Variants in CACNB2 observed in about 807,000 individuals in gnomAD.
CACNB2 encodes voltage-dependent L-type calcium channel subunit beta-2.
Under a neutral mutation model 73.3 loss-of-function variants are expected in CACNB2, and 42 were observed. That is an observed-to-expected ratio of 0.57 (90% confidence interval 0.45 to 0.74). CACNB2 has a LOEUF of 0.74. CACNB2 is among the 30% of genes least tolerant of loss of function. The pLI is 0.00. For missense variants in CACNB2, 940 were observed against 853.0 expected (o/e 1.10, Z -1.27); for synonymous variants, 348 against 310.3 (o/e 1.12, Z -1.28).
At chr10:18,460,411 C>A (rs932098654) in intron 3 of CACNB2, among the ~76,000 whole-genome samples, 8 of 152,082 alleles carry the variant, frequency 5.3e-5, no homozygotes, top group Non-Finnish European at 1.0e-4. Flanking sequence ...ATACACACAG[C>A]TCTGATAGTT....
chr10:18,459,723 C>G (rs903714307), intron 3 of CACNB2, among the ~76,000 whole-genome samples: 1 of 152,140 alleles, frequency 6.6e-6, no homozygotes, highest in Non-Finnish European at 1.5e-5. Context: ...AAGTAGAATG[C>G]TGGCCGGGCG....
At chr10:18,305,769 T>A (rs1377368852) in intron 2 of CACNB2, among the ~76,000 whole-genome samples, 1 of 152,018 alleles carries the variant, frequency 6.6e-6, no homozygotes, top group East Asian at 1.9e-4. Flanking sequence ...ATGCTCATGG[T>A]TGACATTTGT....
At chr10:18,396,429 G>C (rs2132489466) in intron 2 of CACNB2, among the ~76,000 whole-genome samples, 1 of 152,286 alleles carries the variant, frequency 6.6e-6, no homozygotes, top group South Asian at 2.1e-4. Flanking sequence ...ATACAAGATA[G>C]AACCCTTTCC....
chr10:18,508,300 G>A (rs1198236550), intron 6 of CACNB2, among the ~76,000 whole-genome samples: 4 of 152,280 alleles, frequency 2.6e-5, no homozygotes, highest in African/African-American at 9.6e-5. Flanking sequence ...TAGTATGCAT[G>A]AAATGAAAAT....
intron 2 of CACNB2, among the ~76,000 whole-genome samples, chr10:18,238,028 T>C (rs1248511521): frequency 1.3e-5 from 2 of 152,188 alleles, no homozygotes; most frequent in African/African-American, 2.4e-5. Flanking sequence ...TTGGACCTCA[T>C]GTTGTCTTGC....
At chr10:18,256,234 C>T (rs928072020) in intron 2 of CACNB2, among the ~76,000 whole-genome samples, 3 of 149,484 alleles carry the variant, frequency 2.0e-5, no homozygotes, top group Non-Finnish European at 4.5e-5. Flanking sequence ...AATTTAGCTA[C>T]ATGAGCCAAG....
At chr10:18,302,123 C>T (rs2039544690) in intron 2 of CACNB2, among the ~76,000 whole-genome samples, 1 of 152,144 alleles carries the variant, frequency 6.6e-6, no homozygotes, top group South Asian at 2.1e-4. Context: ...AAATTGCCCA[C>T]ATCAGGCCTC....
intron 3 of CACNB2, among the ~76,000 whole-genome samples, chr10:18,431,082 A>C (rs1266249594): frequency 6.6e-6 from 1 of 152,128 alleles, no homozygotes; most frequent in African/African-American, 2.4e-5. Context: ...TCCTGGGTTC[A>C]AGCAATCCTC....
chr10:18,421,786 G>A (rs1187670832), intron 3 of CACNB2, among the ~76,000 whole-genome samples: 1 of 152,134 alleles, frequency 6.6e-6, no homozygotes, highest in Non-Finnish European at 1.5e-5. Context: ...GGTATACAAA[G>A]TACAAGAATC....
chr10:18,167,312 G>T (rs1036523017), intron 2 of CACNB2, among the ~76,000 whole-genome samples: 1 of 152,114 alleles, frequency 6.6e-6, no homozygotes, highest in Admixed American at 6.5e-5. Flanking sequence ...GGGGAAGGGT[G>T]AGAGGGGAGG....
At chr10:18,325,402 C>A (rs1223085021) in intron 2 of CACNB2, among the ~76,000 whole-genome samples, 1 of 151,866 alleles carries the variant, frequency 6.6e-6, no homozygotes, top group African/African-American at 2.4e-5. Context: ...GCTACGTTGC[C>A]AAGGCTGGTC....
Position 18,287,904 on chromosome 10 carries a change from A to G in CACNB2, c.214-114020A>G, listed in dbSNP as rs147931726. ...TGTTACTGGGGCTGTGCTATTGCTG[A>G]TGATTGTAGGGGAGGATTCTCCCTT... On this transcript the variant is annotated intron_variant, in intron 2 of 13. Transcript: ENST00000324631. Among the ~76,000 whole-genome samples the G allele has an allele frequency of 3.3e-5, 5 of 152,260 alleles. No homozygotes were observed. In the East Asian group the frequency reaches 9.7e-4, roughly 29 times the overall value.
At chr10:18,300,176 C>T (rs2039451839) in intron 2 of CACNB2, among the ~76,000 whole-genome samples, 1 of 152,156 alleles carries the variant, frequency 6.6e-6, no homozygotes, top group Admixed American at 6.5e-5. Flanking sequence ...CGTGCATCAC[C>T]ATGCCTGGCT....
At chr10:18,181,005 A>G (rs2033846609) in intron 2 of CACNB2, among the ~76,000 whole-genome samples, 1 of 151,534 alleles carries the variant, frequency 6.6e-6, no homozygotes, top group East Asian at 1.9e-4. Context: ...GAAATATAAG[A>G]AAATGGAGCA....
At chr10:18,358,835 T>C (rs2042036416) in intron 2 of CACNB2, among the ~76,000 whole-genome samples, 1 of 152,142 alleles carries the variant, frequency 6.6e-6, no homozygotes, top group Admixed American at 6.5e-5. Context: ...TATTTATAGA[T>C]TTCTTGTGTC....
intron 3 of CACNB2, among the ~76,000 whole-genome samples, chr10:18,479,687 G>GTC (rs547148363): frequency 4.1e-4 from 49 of 119,012 alleles, no homozygotes; most frequent in African/African-American, 1.3e-3. Context: ...AAGTGCGTGT[G>GTC]TCTCTCTCTC....
At chr10:18,403,190 G>T (rs535067336) in intron 3 of CACNB2, among the ~76,000 whole-genome samples, 35 of 152,312 alleles carry the variant, frequency 2.3e-4, no homozygotes, top group Admixed American at 1.8e-3. Context: ...ATAAATAGCA[G>T]ATGCAGGGAG....
chr10:18,263,853 T>C (rs1209239434), intron 2 of CACNB2, among the ~76,000 whole-genome samples: 1 of 152,262 alleles, frequency 6.6e-6, no homozygotes, highest in African/African-American at 2.4e-5. Flanking sequence ...TGTCTTGCTC[T>C]TTAAGACTCA....
intron 2 of CACNB2, among the ~76,000 whole-genome samples, chr10:18,328,909 G>C (rs1461765389): frequency 6.6e-6 from 1 of 152,096 alleles, no homozygotes; most frequent in East Asian, 1.9e-4. Flanking sequence ...ATTTATGTTG[G>C]GGGTATATCC....
Sources: gnomAD v4.1 joint callset for allele counts (sites outside exome capture counted in the v4.1 genomes callset) on GRCh38, gnomAD v4.1.1 for gene constraint, MANE v1.5 for transcripts, NCBI Gene and HGNC (gene_info 2026-07-23, HGNC 2026-07-21) for gene names.